Variants in CD36 observed in about 807,000 individuals in gnomAD.
The protein encoded by CD36 is platelet glycoprotein 4.
A neutral mutation model predicts 55.2 loss-of-function variants in CD36; 119 were observed. That is an observed-to-expected ratio of 2.15 (90% CI 1.86 to 2.51). The LOEUF is 2.51. Ranked by LOEUF, CD36 falls within the 30% of genes most tolerant of loss-of-function variation. The pLI, the probability that CD36 is intolerant of heterozygous loss-of-function variation, is 0.00. For missense variants in CD36, 819 were observed against 555.5 expected, an observed-to-expected ratio of 1.47 and a Z score of -4.77; for synonymous variants, 186 against 193.6, an observed-to-expected ratio of 0.96 and a Z score of 0.33.
chr7:80,614,856 G>C (rs982342072), intron 1 of CD36, among the ~76,000 whole-genome samples: 1 of 152,134 alleles, frequency 6.6e-6, no homozygotes, highest in Non-Finnish European at 1.5e-5. Context: ...CAATATAAAA[G>C]AAATGCTAAG....
chr7:80,670,977 G>C lies in CD36; in HGVS notation c.819G>C (p.Arg273Ser), dbSNP rs1797604298. The part of the protein sequence containing the change: ...VLQFFSSDIC[R>S]SIYAVFESDV... Reference sequence around the variant, plus strand: ...GCAGCTCTTTTTTCTCTGTATTTAGGTCAATCTATGCTGTATTTGAATCCG... The same window carrying C: ...GCAGCTCTTTTTTCTCTGTATTTAGCTCAATCTATGCTGTATTTGAATCCG... Residue 273 changes from arginine to serine, a missense_variant and splice_region_variant, in exon 10 of 15, where the codon AGG (arginine) becomes AGC (serine). By Grantham distance (110) the Arg-to-Ser change is moderately radical (BLOSUM62 -1). Coordinates refer to ENST00000447544, the MANE Select transcript of CD36 (RefSeq NM_001001548.3). The C allele has an allele frequency of 6.2e-7, 1 of 1,609,444 alleles. No homozygotes were observed. The highest frequency in any genetic ancestry group is 1.3e-5 in the African/African-American group (1 of 74,798).
rs1798209820 is a variant in CD36 at position 80,677,874 on chromosome 7, C to T, written c.*1491C>T. On this transcript the variant is annotated 3_prime_UTR_variant, in exon 15 of 15. Coordinates refer to ENST00000447544, the MANE Select transcript of CD36 (RefSeq NM_001001548.3). ...GGATGATCTCATAGCATTTAGATAT[C>T]AGAAAAGGTTTTGACCTATATGTCT... 6.6e-6 allele frequency: 1 copy of T among 152,070 alleles called. No homozygotes were observed. Among genetic ancestry groups the T allele is most frequent in the African/African-American group, 2.4e-5 (1 of 41,408 alleles). 9.4% of individuals were successfully genotyped at this position (152,070 alleles called of 1,614,324 possible). A position where few individuals can be genotyped will look rare whatever the true frequency, so the allele number is the denominator to read the frequency against.
chr7:80,627,326 G>A (rs549020107), intron 1 of CD36, among the ~76,000 whole-genome samples: 3 of 152,078 alleles, frequency 2.0e-5, no homozygotes, highest in East Asian at 1.9e-4. Context: ...TCTCACAGAC[G>A]GAAACAAGTA....
intron 3 of CD36, among the ~76,000 whole-genome samples, chr7:80,654,817 G>T (rs1371778601): frequency 1.3e-5 from 2 of 149,132 alleles, no homozygotes; most frequent in Non-Finnish European, 3.0e-5. Flanking sequence ...TAAGCAATAA[G>T]TAAAATATCA....
Position 80,614,534 on chromosome 7 carries a change from C to T in CD36, c.-184+12155C>T, listed in dbSNP as rs567662399. ...GACTCCAGAATAAAAATGAAATTAT[C>T]AATGTCTCTTGTACATTAGTCTGTG... On this transcript the variant is annotated intron_variant, in intron 1 of 13. Coordinates refer to the CD36 transcript ENST00000309881. Among the ~76,000 whole-genome samples, 6 of 152,284 alleles carry T rather than the reference C, an allele frequency of 3.9e-5. No homozygotes were observed. In the South Asian group the frequency reaches 6.2e-4, roughly 16 times the overall value.
chr7:80,670,251 T>C (rs1024741770), intron 9 of CD36: 1 of 525,534 alleles, frequency 1.9e-6, no homozygotes, highest in African/African-American at 1.9e-5. Flanking sequence ...TAGTAGTCTA[T>C]TAACGATCAA....
At chr7:80,614,762 A>C (rs1793055389) in intron 1 of CD36, among the ~76,000 whole-genome samples, 1 of 152,060 alleles carries the variant, frequency 6.6e-6, no homozygotes, top group African/African-American at 2.4e-5. Flanking sequence ...ATATTTCCTG[A>C]TATCAGTTGA....
intron 1 of CD36, among the ~76,000 whole-genome samples, chr7:80,627,462 G>A (rs551024804): frequency 2.0e-5 from 3 of 151,288 alleles, no homozygotes. Flanking sequence ...TAAAAGAGGG[G>A]CTTTTTTTTT....
intron 1 of CD36, among the ~76,000 whole-genome samples, chr7:80,622,935 A>T (rs1793548290): frequency 6.6e-6 from 1 of 152,148 alleles, no homozygotes; most frequent in Non-Finnish European, 1.5e-5. Flanking sequence ...ATAACCAAGA[A>T]TGCTCTAAAA....
chr7:80,642,914 C>T (rs983501701), intron 1 of CD36, among the ~76,000 whole-genome samples: 1 of 152,090 alleles, frequency 6.6e-6, no homozygotes, highest in African/African-American at 2.4e-5. Context: ...TTACTTGATA[C>T]TTCTGTTTTC....
At position 80,673,206 on chromosome 7, in the gene CD36, C is replaced by CAAAAACAACTATATT. The variant is rs1286159749; in HGVS notation, c.1200-144_1200-130dup. On this transcript the variant is annotated intron_variant, in intron 12 of 14. Coordinates refer to ENST00000447544, the MANE Select transcript of CD36 (RefSeq NM_001001548.3). ...GAAGACATATAAGAGCAAAGGAAGTCAAAAACAACTATATTAAAATTTAAA... is the reference window on the plus strand; with the variant it reads ...GAAGACATATAAGAGCAAAGGAAGTCAAAAACAACTATATTAAAAACAACTATATTAAAATTTAAA... 5 of 526,234 alleles carry CAAAAACAACTATATT rather than the reference C, an allele frequency of 9.5e-6. No individual in the cohort carries two copies. In the East Asian group the frequency reaches 1.5e-4, roughly 16 times the overall value. The allele number at this position is 526,234 out of a possible 1,614,324, so 32.6% of individuals were successfully genotyped here.
chr7:80,667,988 C>T (rs1461687691), intron 8 of CD36, among the ~76,000 whole-genome samples: 1 of 151,842 alleles, frequency 6.6e-6, no homozygotes, highest in Non-Finnish European at 1.5e-5. Context: ...ACCTTGTGAT[C>T]CGCCCCCCTC....
intron 14 of CD36, 49 bp downstream of exon 14, chr7:80,674,196 T>A (rs1798040176): frequency 1.5e-6 from 2 of 1,333,252 alleles, no homozygotes; most frequent in African/African-American, 2.9e-5. Context: ...GCTTATATAT[T>A]ACTTGTTTTC....
chr7:80,647,268 G>T (rs1364144922), intron 3 of CD36: 1 of 238,942 alleles, frequency 4.2e-6, no homozygotes, highest in African/African-American at 2.3e-5. Flanking sequence ...CTGTGTGTGT[G>T]TGTGTGTGTG....
intron 3 of CD36, among the ~76,000 whole-genome samples, chr7:80,653,302 C>G (rs543044964): frequency 6.6e-6 from 1 of 152,154 alleles, no homozygotes; most frequent in African/African-American, 2.4e-5. Flanking sequence ...CTACTCCATG[C>G]GTAGCAAAGT....
At chr7:80,611,304 C>T (rs1018555431) in intron 1 of CD36, among the ~76,000 whole-genome samples, 3 of 152,182 alleles carry the variant, frequency 2.0e-5, no homozygotes, top group African/African-American at 7.2e-5. Context: ...ATACATGACA[C>T]AGAGGCCCTA....
chr7:80,641,733 G>T (rs1397948598), intron 1 of CD36, among the ~76,000 whole-genome samples: 1 of 151,958 alleles, frequency 6.6e-6, no homozygotes, highest in Non-Finnish European at 1.5e-5. Flanking sequence ...GTTTCCAAGG[G>T]AACACAGCTT....
At chr7:80,662,921 A>T (rs2116692659) in intron 5 of CD36, 69 bp from the exon 6 acceptor site, 2 of 1,247,878 alleles carry the variant, frequency 1.6e-6, no homozygotes, top group South Asian at 2.5e-5. Flanking sequence ...CAATATTAGC[A>T]TTTAATCCAT....
At chr7:80,630,892 G>C (rs1247890576) in intron 1 of CD36, among the ~76,000 whole-genome samples, 3 of 152,028 alleles carry the variant, frequency 2.0e-5, no homozygotes, top group Non-Finnish European at 2.9e-5. Flanking sequence ...GTTAACAACA[G>C]GAGAATTGCA....
Sources: allele counts gnomAD v4.1 joint callset (sites outside exome capture counted in the v4.1 genomes callset), GRCh38; gene constraint gnomAD v4.1.1; transcripts MANE v1.5; gene names NCBI Gene and HGNC (gene_info 2026-07-23, HGNC 2026-07-21).